Variants in PCSK6 observed in about 807,000 individuals in gnomAD.
The protein encoded by PCSK6 is paired basic amino acid cleaving enzyme 4.
PCSK6 carries 85 observed loss-of-function variants against 123.3 expected under a neutral mutation model. That is an observed-to-expected ratio of 0.69 (90% CI 0.58 to 0.83). The LOEUF (loss-of-function observed/expected upper bound fraction) is 0.83. PCSK6 is among the 40% of genes least tolerant of loss of function. PCSK6 has a pLI of 0.00. For missense variants in PCSK6, 1,191 were observed against 1,282.3 expected (o/e 0.93, Z 1.09); for synonymous variants, 508 against 516.0 (o/e 0.98, Z 0.21).
chr15:101,483,730 A>C (rs1049689011), intron 1 of PCSK6, among the ~76,000 whole-genome samples: 10 of 152,232 alleles, frequency 6.6e-5, no homozygotes, highest in African/African-American at 2.4e-4. Context: ...CTGGAAGGAG[A>C]AAGAAGCAGG....
chr15:101,368,599 C>T (rs900513282), intron 12 of PCSK6, among the ~76,000 whole-genome samples: 3 of 152,190 alleles, frequency 2.0e-5, no homozygotes, highest in South Asian at 2.1e-4. Flanking sequence ...ACAGGCTCTC[C>T]GTCAACCTGG....
At chr15:101,377,417 G>A (rs1256215699) in intron 11 of PCSK6, among the ~76,000 whole-genome samples, 1 of 152,100 alleles carries the variant, frequency 6.6e-6, no homozygotes, top group Non-Finnish European at 1.5e-5. Context: ...AGCAGCCTGC[G>A]GGAGCAGCTC....
intron 1 of PCSK6, among the ~76,000 whole-genome samples, chr15:101,487,541 T>G (rs1366668703): frequency 1.3e-5 from 2 of 151,672 alleles, no homozygotes; most frequent in Non-Finnish European, 2.9e-5. Context: ...CCGGGGAGAG[T>G]TACCTGTGCC....
intron 11 of PCSK6, among the ~76,000 whole-genome samples, chr15:101,370,992 C>T (rs1171552575): frequency 6.6e-6 from 1 of 152,144 alleles, no homozygotes; most frequent in Non-Finnish European, 1.5e-5. Flanking sequence ...GGGCAGATCA[C>T]AAGGTCAGGA....
At chr15:101,341,822 A>T (rs2040614750) in intron 13 of PCSK6, among the ~76,000 whole-genome samples, 2 of 152,206 alleles carry the variant, frequency 1.3e-5, no homozygotes, top group South Asian at 4.1e-4. Context: ...GTCAGTAAAC[A>T]CACTGAAGAG....
chr15:101,435,743 A>G (rs1012451128), intron 2 of PCSK6, among the ~76,000 whole-genome samples: 1 of 152,226 alleles, frequency 6.6e-6, no homozygotes, highest in Non-Finnish European at 1.5e-5. Context: ...CCAAGTTAAA[A>G]TGAGGCATCC....
intron 1 of PCSK6, among the ~76,000 whole-genome samples, chr15:101,444,604 C>T (rs1044998651): frequency 1.3e-5 from 2 of 152,252 alleles, no homozygotes; most frequent in African/African-American, 4.8e-5. Flanking sequence ...TGAGTCAGAT[C>T]GATTTGGTCC....
intron 16 of PCSK6, among the ~76,000 whole-genome samples, chr15:101,325,844 G>T (rs1167838376): frequency 1.1e-4 from 17 of 152,222 alleles, no homozygotes; most frequent in Admixed American, 1.0e-3. Context: ...TATACGTGGG[G>T]TCCCAGGTCA....
chr15:101,394,304 C>T (rs1246771224), intron 7 of PCSK6, among the ~76,000 whole-genome samples: 2 of 152,078 alleles, frequency 1.3e-5, no homozygotes, highest in South Asian at 2.1e-4. Context: ...TAAGAACGTA[C>T]ACATGAAAGC....
chr15:101,403,443 A>AG (rs1272814565), intron 6 of PCSK6, among the ~76,000 whole-genome samples: 1 of 149,822 alleles, frequency 6.7e-6, no homozygotes, highest in Admixed American at 6.7e-5. Context: ...AAAAAGAGAG[A>AG]GAAAAAAAAA....
intron 6 of PCSK6, among the ~76,000 whole-genome samples, chr15:101,424,028 G>A (rs940641534): frequency 6.6e-6 from 1 of 151,884 alleles, no homozygotes; most frequent in Non-Finnish European, 1.5e-5. Flanking sequence ...TTTGAGTCCA[G>A]CCTGGGCAAC....
At chr15:101,488,196 C>T (rs1483133222) in intron 1 of PCSK6, among the ~76,000 whole-genome samples, 3 of 152,320 alleles carry the variant, frequency 2.0e-5, no homozygotes, top group Non-Finnish European at 4.4e-5. Flanking sequence ...TTTAACACTG[C>T]CTGGCACTAA....
chr15:101,472,826 C>G (rs1425158562), intron 1 of PCSK6, among the ~76,000 whole-genome samples: 1 of 152,154 alleles, frequency 6.6e-6, no homozygotes, highest in Non-Finnish European at 1.5e-5. Flanking sequence ...GAACTTTTGA[C>G]AGAAGAAAAT....
intron 6 of PCSK6, among the ~76,000 whole-genome samples, chr15:101,413,005 TGAGGAGGAGGAGGAGGAG>T (rs925761371): frequency 1.9e-5 from 2 of 106,028 alleles, no homozygotes; most frequent in East Asian, 2.4e-4. Flanking sequence ...GGAGGAGGAG[TGAGGAGGAGGAGGAGGAG>T]GAGGAGGAGG....
chr15:101,389,541 G>A lies in PCSK6; in HGVS notation c.1233C>T (p.Arg411=). 6.2e-7 allele frequency: 1 copy of A among 1,613,226 alleles called. No homozygotes were observed. Among genetic ancestry groups the A allele is most frequent in the Non-Finnish European group, 8.5e-7 (1 of 1,179,368 alleles). ...RKIVTTDLRQ[R]CTDGHTGTSV... ...AGGTCCCAGTGTGGCCATCGGTACA[G>A]CGCTGACGCAGATCCGTGGTGACCT... The change falls in exon 9 of 22, where the codon CGC becomes CGT. Residue 411 remains arginine (R), a synonymous_variant. Coordinates refer to ENST00000611716, the MANE Select transcript of PCSK6 (RefSeq NM_002570.5).
chr15:101,320,416 G>A (rs548390057), intron 18 of PCSK6, among the ~76,000 whole-genome samples: 37 of 152,258 alleles, frequency 2.4e-4, no homozygotes, highest in Non-Finnish European at 4.1e-4. Context: ...TATATCTTAC[G>A]GTTCACTGGA....
chr15:101,365,980 A>T, intron 13 of PCSK6: 1 of 430,884 alleles, frequency 2.3e-6, no homozygotes, highest in Non-Finnish European at 4.0e-6. Flanking sequence ...TTCTGGAATT[A>T]GATAGTGCTG....
chr15:101,410,418 T>C (rs1425200700), intron 6 of PCSK6, among the ~76,000 whole-genome samples: 5 of 152,146 alleles, frequency 3.3e-5, no homozygotes, highest in Non-Finnish European at 7.3e-5. Context: ...GAGAACTATG[T>C]GCCAGGTCAA....
At chr15:101,485,537 T>C (rs971418074) in intron 1 of PCSK6, among the ~76,000 whole-genome samples, 3 of 152,234 alleles carry the variant, frequency 2.0e-5, no homozygotes, top group African/African-American at 4.8e-5. Context: ...AAGTTTTATA[T>C]ACAGTCTTTA....
Sources: gnomAD v4.1 joint callset for allele counts (sites outside exome capture counted in the v4.1 genomes callset) on GRCh38, gnomAD v4.1.1 for gene constraint, MANE v1.5 for transcripts, NCBI Gene and HGNC (gene_info 2026-07-23, HGNC 2026-07-21) for gene names.